Variants in MORC1 observed in about 807,000 individuals in gnomAD.
MORC1 encodes MORC family CW-type zinc finger 1, also known as MORC family CW-type zinc finger protein 1.
Under a neutral mutation model 134.9 loss-of-function variants are expected in MORC1, and 59 were observed. The ratio of observed to expected loss-of-function variants is 0.44; its 90% CI spans 0.35 to 0.54. The LOEUF is 0.54. Ranked by LOEUF, MORC1 falls within the 20% of genes least tolerant of loss-of-function variation. The pLI, the probability that MORC1 is intolerant of heterozygous loss-of-function variation, is 0.00. For synonymous variants in MORC1, 395 were observed against 391.7 expected (o/e 1.01, Z -0.10); for missense variants, 947 against 1,134.5 (o/e 0.83, Z 2.37).
chr3:109,005,053 AG>A lies in MORC1; in HGVS notation c.2013+16del. 6.3e-7 allele frequency: 1 copy of A among 1,596,888 alleles called. No individual in the cohort carries two copies. On this transcript the variant is annotated intron_variant, in intron 19 of 27. Transcript: ENST00000232603. ...GAATGAGTGAATTGTTTTGTGAATA[AG>A]AAACAATAATAATACCTGGGATCTC...
intron 21 of MORC1, among the ~76,000 whole-genome samples, chr3:108,999,103 TACA>T (rs1348248835): frequency 1.3e-5 from 2 of 152,220 alleles, no homozygotes; most frequent in Non-Finnish European, 2.9e-5. Flanking sequence ...CGGCATTATT[TACA>T]ACACCAGTTG....
At chr3:109,028,070 G>C (rs1246321109) in intron 16 of MORC1, among the ~76,000 whole-genome samples, 181 bp from the exon 17 acceptor site, 1 of 152,086 alleles carries the variant, frequency 6.6e-6, no homozygotes, top group Admixed American at 6.5e-5. Context: ...TCTCCAATTT[G>C]CATGGAAAAC....
Position 108,958,799 on chromosome 3 carries a change from C to T in MORC1, c.*166G>A. 2.7e-6 allele frequency: 1 copy of T among 369,420 alleles called. No individual in the cohort carries two copies. 22.9% of individuals were successfully genotyped at this position (369,420 alleles called of 1,614,324 possible). On this transcript the variant is annotated 3_prime_UTR_variant, in exon 28 of 28. Transcript: ENST00000232603. ...GGGAATACATAAATTGTAAATCGGT[C>T]TCCATTTCTAGAGTACACAATTTTC...
At chr3:109,058,959 G>C (rs1053258413) in intron 12 of MORC1, among the ~76,000 whole-genome samples, 2 of 151,916 alleles carry the variant, frequency 1.3e-5, no homozygotes, top group Non-Finnish European at 2.9e-5. Flanking sequence ...TTTCAAGAAG[G>C]TTTTTATTTC....
At chr3:109,001,591 T>C (rs1948405818) in intron 20 of MORC1, among the ~76,000 whole-genome samples, 1 of 152,186 alleles carries the variant, frequency 6.6e-6, no homozygotes, top group Admixed American at 6.5e-5. Flanking sequence ...TTTCCCCCAT[T>C]TTGGCTTTAA....
At chr3:109,030,272 T>C (rs1293951276) in intron 16 of MORC1, among the ~76,000 whole-genome samples, 1 of 152,178 alleles carries the variant, frequency 6.6e-6, no homozygotes, top group African/African-American at 2.4e-5. Flanking sequence ...TCTATCCAAG[T>C]CCAATGGCAC....
At chr3:108,989,358 A>G (rs551928685) in intron 21 of MORC1, among the ~76,000 whole-genome samples, 8 of 152,330 alleles carry the variant, frequency 5.3e-5, no homozygotes, top group Non-Finnish European at 8.8e-5. Flanking sequence ...AAATGAGATT[A>G]TAGCTAAGTC....
chr3:109,021,460 C>T (rs981210450), intron 17 of MORC1, among the ~76,000 whole-genome samples: 8 of 152,212 alleles, frequency 5.3e-5, no homozygotes, highest in African/African-American at 1.9e-4. Context: ...CTGCAACTGT[C>T]AAAGCTATTG....
At chr3:109,097,381 T>A (rs1950848781) in intron 6 of MORC1, among the ~76,000 whole-genome samples, 1 of 152,248 alleles carries the variant, frequency 6.6e-6, no homozygotes, top group African/African-American at 2.4e-5. Flanking sequence ...AACCTTTTAA[T>A]GCATGTGAGG....
At chr3:108,980,759 A>C (rs763048988) in intron 23 of MORC1, among the ~76,000 whole-genome samples, 6 of 152,256 alleles carry the variant, frequency 3.9e-5, no homozygotes, top group Non-Finnish European at 8.8e-5. Flanking sequence ...AAAGCATAGA[A>C]TAAAACAGAA....
chr3:109,070,413 CT>C (rs1950292539), intron 8 of MORC1, among the ~76,000 whole-genome samples: 1 of 152,154 alleles, frequency 6.6e-6, no homozygotes, highest in South Asian at 2.1e-4. Flanking sequence ...CCTTGTAAAG[CT>C]GCATTTTGGG....
At position 108,958,453 on chromosome 3, in the gene MORC1, G is replaced by A. The variant is rs746698926; in HGVS notation, c.*512C>T. On this transcript the variant is annotated 3_prime_UTR_variant, in exon 28 of 28. Transcript: ENST00000232603. ...ATGACTAAATAATAAAATTATATAA[G>A]CTATGTCTCAAAGTTTTGGGGGGAT... 4 of 151,908 alleles carry A rather than the reference G, an allele frequency of 2.6e-5. No homozygotes were observed. The highest frequency in any genetic ancestry group is 4.8e-5 in the African/African-American group (2 of 41,352). The allele number at this position is 151,908 out of a possible 1,614,324, so 9.4% of individuals were successfully genotyped here.
chr3:109,041,899 G>C (rs1402645104), intron 14 of MORC1, among the ~76,000 whole-genome samples: 1 of 151,428 alleles, frequency 6.6e-6, no homozygotes, highest in Admixed American at 6.6e-5. Flanking sequence ...AGCCGAGATT[G>C]TGCCACTACA....
intron 8 of MORC1, among the ~76,000 whole-genome samples, chr3:109,082,485 G>A (rs1169003574): frequency 6.6e-6 from 1 of 151,802 alleles, no homozygotes; most frequent in African/African-American, 2.4e-5. Context: ...GTGAGCTCTC[G>A]GATAAAGAAT....
At chr3:109,070,362 C>T (rs967218519) in intron 8 of MORC1, among the ~76,000 whole-genome samples, 5 of 152,068 alleles carry the variant, frequency 3.3e-5, no homozygotes, top group African/African-American at 4.8e-5. Flanking sequence ...GGCAATAAAA[C>T]GGAAGCAAAA....
At chr3:109,044,757 C>T (rs1949644729) in intron 14 of MORC1, among the ~76,000 whole-genome samples, 1 of 150,048 alleles carries the variant, frequency 6.7e-6, no homozygotes, top group South Asian at 2.1e-4. Flanking sequence ...CCAGCCTGAC[C>T]AACATGGTGA....
intron 21 of MORC1, among the ~76,000 whole-genome samples, chr3:108,988,661 A>C (rs968088500): frequency 6.6e-6 from 1 of 152,132 alleles, no homozygotes; most frequent in Non-Finnish European, 1.5e-5. Context: ...CTTTTCCTAT[A>C]AGCACTTTGT....
At chr3:109,072,388 C>T (rs528236034) in intron 8 of MORC1, among the ~76,000 whole-genome samples, 5 of 152,242 alleles carry the variant, frequency 3.3e-5, no homozygotes, top group African/African-American at 4.8e-5. Flanking sequence ...CCCTCAGCCC[C>T]GAGAGAGATG....
chr3:108,991,970 C>T (rs902929077), intron 21 of MORC1, among the ~76,000 whole-genome samples: 2 of 152,150 alleles, frequency 1.3e-5, no homozygotes, highest in African/African-American at 2.4e-5. Flanking sequence ...ATCCATCCTA[C>T]GTGTTTTTGT....
Sources: gnomAD v4.1 joint callset for allele counts (sites outside exome capture counted in the v4.1 genomes callset) on GRCh38, gnomAD v4.1.1 for gene constraint, MANE v1.5 for transcripts, NCBI Gene and HGNC (gene_info 2026-07-23, HGNC 2026-07-21) for gene names.